Variants in NUBPL observed in about 807,000 individuals in gnomAD.
The protein encoded by NUBPL is iron-sulfur cluster transfer protein NUBPL.
In NUBPL, 31 loss-of-function variants were observed where a neutral mutation model predicts 45.7. The ratio of observed to expected loss-of-function variants is 0.68; its 90% CI spans 0.51 to 0.92. NUBPL has a LOEUF of 0.92. NUBPL is among the 40% of genes least tolerant of loss of function. NUBPL has a pLI of 0.00. For missense variants in NUBPL, 401 were observed against 398.7 expected, an observed-to-expected ratio of 1.01 and a Z score of -0.05; for synonymous variants, 144 against 140.9, an observed-to-expected ratio of 1.02 and a Z score of -0.15.
At chr14:31,747,897 G>T (rs1324726367) in intron 6 of NUBPL, among the ~76,000 whole-genome samples, 1 of 151,834 alleles carries the variant, frequency 6.6e-6, no homozygotes, top group Non-Finnish European at 1.5e-5. Context: ...AATATGTTAG[G>T]TATTTGAAAT....
intron 2 of NUBPL, among the ~76,000 whole-genome samples, chr14:31,563,646 A>G (rs2033359225): frequency 6.6e-6 from 1 of 152,202 alleles, no homozygotes; most frequent in South Asian, 2.1e-4. Flanking sequence ...AACTACTTCA[A>G]AATACTTCCC....
rs115892743 is a variant in NUBPL at position 31,786,030 on chromosome 14, C to A, written c.514-1750C>A. 6.5e-3 allele frequency among the ~76,000 whole-genome samples: 994 copies of A among 151,948 alleles called. 12 individuals carry two copies. Among genetic ancestry groups the A allele is most frequent in the African/African-American group, 0.022 (931 of 41,436 alleles). On this transcript the variant is annotated intron_variant, in intron 6 of 10. Coordinates refer to ENST00000281081, the MANE Select transcript of NUBPL (RefSeq NM_025152.3). ...AAAATTGACCAGGCATGGTGGCACACGTCTATAGTCCCAGCTATTAGGGAG... is the reference window on the plus strand; with the variant it reads ...AAAATTGACCAGGCATGGTGGCACAAGTCTATAGTCCCAGCTATTAGGGAG...
chr14:31,831,876 T>A (rs1165945497), intron 8 of NUBPL, among the ~76,000 whole-genome samples: 2 of 152,260 alleles, frequency 1.3e-5, no homozygotes, highest in East Asian at 3.9e-4. Flanking sequence ...AAAGTTTTAA[T>A]CTGATAGAGA....
At chr14:31,663,180 C>G (rs185273904) in intron 4 of NUBPL, among the ~76,000 whole-genome samples, 1 of 152,240 alleles carries the variant, frequency 6.6e-6, no homozygotes, top group Admixed American at 6.5e-5. Context: ...TTCTACCATT[C>G]TGTAGGTTGC....
intron 8 of NUBPL, among the ~76,000 whole-genome samples, chr14:31,837,989 G>A (rs926242744): frequency 3.3e-5 from 5 of 151,996 alleles, no homozygotes; most frequent in Admixed American, 6.6e-5. Flanking sequence ...CAGATCTCCC[G>A]CCACTTTACT....
intron 10 of NUBPL, among the ~76,000 whole-genome samples, chr14:31,857,383 A>C (rs935747477): frequency 2.8e-4 from 43 of 152,016 alleles, no homozygotes; most frequent in African/African-American, 9.2e-4. Flanking sequence ...TGCCATGAAG[A>C]CCTCTGACAT....
intron 6 of NUBPL, among the ~76,000 whole-genome samples, chr14:31,698,253 G>T (rs1359524480): frequency 2.0e-5 from 3 of 151,994 alleles, no homozygotes; most frequent in Non-Finnish European, 2.9e-5. Flanking sequence ...GATATGACGA[G>T]ATATAGTCAA....
Position 31,629,382 on chromosome 14 carries a change from A to G in NUBPL, c.382+30003A>G, listed in dbSNP as rs140286902. 2.1e-3 allele frequency among the ~76,000 whole-genome samples: 313 copies of G among 152,202 alleles called. 5 individuals carry two copies. The highest frequency in any genetic ancestry group is 1.2e-3 in the Admixed American group (18 of 15,280). ...GCACATTGTAAAAAAAGTTCTGGAG[A>G]GATTTGAACTAGGTCTTTCCTTTTC... On this transcript the variant is annotated intron_variant, in intron 4 of 10. Transcript: ENST00000281081.
At chr14:31,726,915 G>T (rs879238590) in intron 6 of NUBPL, among the ~76,000 whole-genome samples, 1 of 152,010 alleles carries the variant, frequency 6.6e-6, no homozygotes, top group Admixed American at 6.6e-5. Context: ...TAGGATTTTA[G>T]CAGCATCTCT....
At chr14:31,678,159 C>T (rs1251769098) in intron 6 of NUBPL, among the ~76,000 whole-genome samples, 2 of 152,106 alleles carry the variant, frequency 1.3e-5, no homozygotes, top group South Asian at 2.1e-4. Context: ...TCAGTCAGCT[C>T]GTGGTGAAGG....
At chr14:31,645,781 C>CT (rs1313286894) in intron 4 of NUBPL, among the ~76,000 whole-genome samples, 1 of 136,860 alleles carries the variant, frequency 7.3e-6, no homozygotes, top group Non-Finnish European at 1.6e-5. Flanking sequence ...TACACCCCCC[C>CT]CCCCACATTT....
chr14:31,731,318 C>T (rs567214135), intron 6 of NUBPL, among the ~76,000 whole-genome samples: 56 of 152,168 alleles, frequency 3.7e-4, no homozygotes, highest in Middle Eastern at 3.4e-3. Context: ...AGATATTCAG[C>T]GCAAAGAACC....
At chr14:31,787,577 G>A (rs548014766) in intron 6 of NUBPL, among the ~76,000 whole-genome samples, 4 of 152,258 alleles carry the variant, frequency 2.6e-5, no homozygotes, top group Admixed American at 6.5e-5. Context: ...ATTTAAACTT[G>A]CCATTCAAAG....
Position 31,846,353 on chromosome 14 carries a change from T to A in NUBPL, c.694-118T>A, listed in dbSNP as rs2040451874. 5 of 794,490 alleles carry A rather than the reference T, an allele frequency of 6.3e-6. No homozygotes were observed. The Admixed American group carries it at 1.0e-4, about 16-fold the overall frequency. The allele number at this position is 794,490 out of a possible 1,614,324, so 49.2% of individuals were successfully genotyped here. The stretch of plus-strand genomic sequence containing the variant: ...AGCAGAGGCCATAGTTTATTCATCA[T>A]TGTGATAACATTGATGAGTGCCACT... On this transcript the variant is annotated intron_variant, in intron 8 of 10. Transcript: ENST00000281081.
chr14:31,581,202 C>CTTTT (rs751566032), intron 3 of NUBPL, among the ~76,000 whole-genome samples: 3 of 103,322 alleles, frequency 2.9e-5, no homozygotes, highest in Non-Finnish European at 4.5e-5. Flanking sequence ...AGAGATGGTT[C>CTTTT]TTTTTTTTTT....
chr14:31,646,488 A>G (rs1319237556), intron 4 of NUBPL, among the ~76,000 whole-genome samples: 2 of 152,162 alleles, frequency 1.3e-5, no homozygotes, highest in African/African-American at 2.4e-5. Flanking sequence ...ACGCTTGGCC[A>G]TCAGGTTCTT....
intron 7 of NUBPL, 55 bp downstream of exon 7, chr14:31,787,928 T>C: frequency 8.1e-7 from 1 of 1,230,596 alleles, no homozygotes; most frequent in Admixed American, 1.7e-5. Flanking sequence ...TTGTTATTGC[T>C]ATACCAAAAA....
At chr14:31,596,531 T>C (rs1357714819) in intron 3 of NUBPL, among the ~76,000 whole-genome samples, 1 of 152,216 alleles carries the variant, frequency 6.6e-6, no homozygotes, top group African/African-American at 2.4e-5. Flanking sequence ...TGTTAATTTA[T>C]TTACATATTG....
intron 7 of NUBPL, among the ~76,000 whole-genome samples, chr14:31,806,778 C>G (rs952830800): frequency 5.9e-5 from 9 of 152,104 alleles, no homozygotes; most frequent in Middle Eastern, 3.4e-3. Context: ...CCCATCCCCC[C>G]ACACCACGAC....
Sources: allele counts gnomAD v4.1 joint callset (sites outside exome capture counted in the v4.1 genomes callset), GRCh38; gene constraint gnomAD v4.1.1; transcripts MANE v1.5; gene names NCBI Gene and HGNC (gene_info 2026-07-23, HGNC 2026-07-21).